DNHD1: variants seen among roughly 807,000 people sequenced by gnomAD.
DNHD1 encodes the protein dynein heavy chain domain 1.
In DNHD1, 383 loss-of-function variants were observed where a neutral mutation model predicts 458.1. The observed-to-expected ratio is 0.84, with a 90% CI of 0.77 to 0.91. The LOEUF is 0.91. DNHD1 is among the 40% of genes least tolerant of loss of function. The pLI is 0.00. For missense variants in DNHD1, 5,336 were observed against 5,866.1 expected, an observed-to-expected ratio of 0.91 and a Z score of 2.95; for synonymous variants, 2,203 against 2,376.9, an observed-to-expected ratio of 0.93 and a Z score of 2.13.
rs1232117177 is a variant in DNHD1, at chr11:6,544,804, A to C, written c.3865A>C (p.Lys1289Gln). 6.4e-7 allele frequency: 1 copy of C among 1,550,618 alleles called. No homozygotes were observed. The highest frequency in any genetic ancestry group is 8.7e-7 in the Non-Finnish European group (1 of 1,146,030). The change falls in exon 21 of 43, where the codon AAG becomes CAG. Residue 1289 changes from lysine (K) to glutamine (Q), a missense_variant. Physicochemically the swap from Lys to Gln is moderately conservative, Grantham distance 53. Around this residue, in one of 4 missense-constraint regions of DNHD1, gnomAD observed 3,932 missense variants for 4,365.6 expected, o/e 0.90. Transcript: ENST00000254579. ...TCCCTCACCACAGAACTCTCGTTTC[A>C]AGGTCATGGATGACCAGTATCGAAC... ...FPNADLNSRF[K>Q]VMDDQYRTLM...
rs767337781 is a variant in DNHD1 at position 6,564,420 on chromosome 11, C to G, written c.10372C>G (p.Arg3458Gly). 61 of 1,551,570 alleles carry G rather than the reference C, an allele frequency of 3.9e-5. No individual in the cohort carries two copies. In the Admixed American group the frequency reaches 1.1e-3, roughly 29 times the overall value. ...CTACCTGGGTCCCTTCCCACCATTGCGGCGCCAAGAGCTACTGGACGAGTG... is the reference window on the plus strand; with the variant it reads ...CTACCTGGGTCCCTTCCCACCATTGGGGCGCCAAGAGCTACTGGACGAGTG... ...IIYLGPFPPL[R>G]RQELLDEWLA... Residue 3458 changes from arginine to glycine, a missense_variant, in exon 32 of 43, where the codon CGG becomes GGG. By Grantham distance (125) the Arg-to-Gly change is moderately radical (BLOSUM62 -2). Transcript: ENST00000254579.
intron 12 of DNHD1, among the ~76,000 whole-genome samples, chr11:6,531,233 A>G (rs1565004637): frequency 6.6e-6 from 1 of 152,152 alleles, no homozygotes; most frequent in Admixed American, 6.5e-5. Context: ...ACTCCCTTGA[A>G]CAACAAATGG....
intron 28 of DNHD1, among the ~76,000 whole-genome samples, chr11:6,561,757 T>C (rs547243426): frequency 2.0e-5 from 3 of 152,072 alleles, no homozygotes; most frequent in Non-Finnish European, 2.9e-5. Flanking sequence ...ATCTGATCAG[T>C]GTTTGAAAGG....
At chr11:6,507,344 A>G (rs2134372446) in intron 4 of DNHD1, among the ~76,000 whole-genome samples, 1 of 152,292 alleles carries the variant, frequency 6.6e-6, no homozygotes, top group Non-Finnish European at 1.5e-5. Flanking sequence ...TATTCAGCAA[A>G]ATGCACCTAT....
chr11:6,559,271 A>G lies in DNHD1; in HGVS notation c.9507A>G (p.Lys3169=). ...NLIFDLEQQL[K]DSGKSLSMFQ... is the part of the protein sequence containing the mutation. ...TCTTTGACTTGGAACAGCAGCTGAAAGACTCCGGCAAGGTAAGGAGATGAT... is the reference window on the plus strand; with the variant it reads ...TCTTTGACTTGGAACAGCAGCTGAAGGACTCCGGCAAGGTAAGGAGATGAT... The change falls in exon 28 of 43, where the codon AAA becomes AAG. Residue 3169 remains lysine, a synonymous_variant. Coordinates refer to ENST00000254579, the MANE Select transcript of DNHD1 (RefSeq NM_144666.3). 1.9e-6 allele frequency: 3 copies of G among 1,551,636 alleles called. No individual in the cohort carries two copies. The highest frequency in any genetic ancestry group is 2.6e-6 in the Non-Finnish European group (3 of 1,146,946).
intron 32 of DNHD1, 37 bp downstream of exon 32, chr11:6,564,841 T>C: frequency 1.4e-6 from 2 of 1,443,362 alleles, no homozygotes; most frequent in Non-Finnish European, 1.9e-6. Context: ...TTCCGGAGTA[T>C]CTGAACTGCC....
intron 7 of DNHD1, among the ~76,000 whole-genome samples, chr11:6,517,652 C>CTTTT (rs59300977): frequency 0.011 from 631 of 59,000 alleles, 25 homozygotes; most frequent in East Asian, 0.015. Context: ...TCTAGGACTT[C>CTTTT]TTTTTTTTTT....
chr11:6,558,916 C>G lies in DNHD1; in HGVS notation c.9226C>G (p.Pro3076Ala). The change falls in exon 27 of 43, where the codon CCA (proline) becomes GCA (alanine). Residue 3076 changes from proline to alanine, a missense_variant. Around this residue, in one of 4 missense-constraint regions of DNHD1, gnomAD observed 3,932 missense variants for 4,365.6 expected, o/e 0.90. Coordinates refer to ENST00000254579, the MANE Select transcript of DNHD1 (RefSeq NM_144666.3). The part of the protein sequence containing the change: ...VPLDDGSWKY[P>A]DLQASIPSVA... The stretch of plus-strand genomic sequence containing the variant: ...GCCCATTGCAGGCTCCTGGAAGTAC[C>G]CAGACCTCCAGGCCTCAATTCCCAG... 1 of 1,551,642 alleles carries G rather than the reference C, an allele frequency of 6.4e-7. No homozygotes were observed. The highest frequency in any genetic ancestry group is 8.7e-7 in the Non-Finnish European group (1 of 1,146,978).
chr11:6,568,211 G>A lies in DNHD1; in HGVS notation c.12507G>A (p.Gln4169=). Residue 4169 remains glutamine (Q), a synonymous_variant, in exon 37 of 43, where the codon CAG becomes CAA. Transcript: ENST00000254579. ...CCCATTGGCCGAAAGAGCTGCTACA[G>A]CTCTTGCTGGAACTGTTAGGCAGAG... The part of the protein sequence containing the change: ...LMPHWPKELL[Q]LLLELLGRAK... 2.6e-6 allele frequency: 4 copies of A among 1,552,194 alleles called. No individual in the cohort carries two copies. The highest frequency in any genetic ancestry group is 3.5e-6 in the Non-Finnish European group (4 of 1,147,210).
intron 11 of DNHD1, 23 bp from the exon 12 acceptor site, chr11:6,528,855 C>T: frequency 6.4e-7 from 1 of 1,551,304 alleles, no homozygotes; most frequent in Non-Finnish European, 8.7e-7. Flanking sequence ...TGCCTCTGCC[C>T]TAAACACCTT....
Position 6,557,972 on chromosome 11 carries a change from C to G in DNHD1, c.8677C>G (p.Leu2893Val). 1 of 1,551,662 alleles carries G rather than the reference C, an allele frequency of 6.4e-7. No homozygotes were observed. Among genetic ancestry groups the G allele is most frequent in the Non-Finnish European group, 8.7e-7 (1 of 1,146,996 alleles). ...RQHGLLLSGA[L>V]GTGRHTAITL... Reference sequence around the variant, plus strand: ...GCATGGCCTGCTGCTCTCGGGGGCTCTGGGTACTGGGCGCCACACTGCCAT... The same window carrying G: ...GCATGGCCTGCTGCTCTCGGGGGCTGTGGGTACTGGGCGCCACACTGCCAT... The change falls in exon 25 of 43, where the codon CTG becomes GTG. Residue 2893 changes from leucine to valine, a missense_variant. Physicochemically the swap from Leu to Val is conservative, Grantham distance 32. Around this residue, in one of 4 missense-constraint regions of DNHD1, gnomAD observed 3,932 missense variants for 4,365.6 expected, o/e 0.90. Transcript: ENST00000254579.
At position 6,539,213 on chromosome 11, in the gene DNHD1, C is replaced by T; in HGVS notation, c.3326-6C>T. The T allele has an allele frequency of 6.5e-7, 1 of 1,542,696 alleles. No homozygotes were observed. The highest frequency in any genetic ancestry group is 1.2e-5 in the South Asian group (1 of 83,846). The stretch of plus-strand genomic sequence containing the variant: ...TGTTGCTCTGACTTGTTTTCTCTAC[C>T]TCCAGCCCTTGGGCTGGGCAGTCTC... On this transcript the variant is annotated splice_region_variant and splice_polypyrimidine_tract_variant and intron_variant, in intron 16 of 42. Transcript: ENST00000254579.
intron 4 of DNHD1, chr11:6,503,705 C>T (rs1340219996): frequency 1.3e-5 from 2 of 152,154 alleles, no homozygotes; most frequent in Non-Finnish European, 2.9e-5. Flanking sequence ...CCAGGCTGGT[C>T]TCAAACTCCT....
intron 3 of DNHD1, among the ~76,000 whole-genome samples, chr11:6,501,681 A>G (rs1237251463): frequency 2.0e-5 from 3 of 152,098 alleles, no homozygotes; most frequent in Non-Finnish European, 4.4e-5. Flanking sequence ...GAGGCCTGAA[A>G]GAGGTAGCTG....
intron 3 of DNHD1, among the ~76,000 whole-genome samples, chr11:6,499,415 T>C (rs1369462066): frequency 6.6e-6 from 1 of 152,192 alleles, no homozygotes; most frequent in Non-Finnish European, 1.5e-5. Context: ...CCTTCCCACA[T>C]GTCTATGTGA....
At position 6,563,927 on chromosome 11, in the gene DNHD1, C is replaced by T. The variant is rs768562009; in HGVS notation, c.10087C>T (p.Arg3363Cys). 1.8e-4 allele frequency: 280 copies of T among 1,551,590 alleles called. No homozygotes were observed. The highest frequency in any genetic ancestry group is 2.0e-4 in the Non-Finnish European group (226 of 1,147,014). ...VEATLTREQA[R>C]LGYYQFQAQE... is the part of the protein sequence containing the mutation. ...GGCAACACTCACTCGGGAGCAGGCC[C>T]GCCTGGGCTACTACCAGTTTCAGGC... Residue 3363 changes from arginine to cysteine, a missense_variant, in exon 31 of 43, where the codon CGC (arginine) becomes TGC (cysteine). Physicochemically the swap from Arg to Cys is radical, Grantham distance 180. Coordinates refer to ENST00000254579, the MANE Select transcript of DNHD1 (RefSeq NM_144666.3).
At chr11:6,539,731 C>T in intron 17 of DNHD1, 145 bp from the exon 18 acceptor site, 1 of 728,376 alleles carries the variant, frequency 1.4e-6, no homozygotes, top group Non-Finnish European at 2.3e-6. Flanking sequence ...GCCTGATGGT[C>T]CCACTCTCGC....
At chr11:6,534,916 T>C (rs563934405) in intron 14 of DNHD1, among the ~76,000 whole-genome samples, 4 of 152,208 alleles carry the variant, frequency 2.6e-5, no homozygotes, top group South Asian at 2.1e-4. Flanking sequence ...CTGGCTAATT[T>C]TTGTATTTTT....
In DNHD1 at chr11:6,558,122, C is replaced by G. The variant is rs1463278218; in HGVS notation, c.8827C>G (p.Leu2943Val). The change falls in exon 25 of 43, where the codon CTG becomes GTG. Residue 2943 changes from leucine (L) to valine (V), a missense_variant. This residue lies in a region of DNHD1 where 3,932 missense variants were observed against 4,365.6 expected (regional missense o/e 0.90). Transcript: ENST00000254579. ...TGGCATGTTAAGCCAGCCAGTGGCT[C>G]TGTTGGTACCCAGTGGTGTGGATCT... ...HAGMLSQPVA[L>V]LVPSGVDLTT... 2 of 1,551,710 alleles carry G rather than the reference C, an allele frequency of 1.3e-6. No individual in the cohort carries two copies. Among genetic ancestry groups the G allele is most frequent in the Non-Finnish European group, 8.7e-7 (1 of 1,146,992 alleles).
Sources: gnomAD v4.1 joint callset for allele counts (sites outside exome capture counted in the v4.1 genomes callset) on GRCh38, gnomAD v4.1.1 for gene constraint, gnomAD v4.1.1 regional missense constraint, MANE v1.5 for transcripts, NCBI Gene and HGNC (gene_info 2026-07-23, HGNC 2026-07-21) for gene names.